Variants in LHPP observed in about 807,000 individuals in gnomAD.
The protein encoded by LHPP is hLHPP.
In LHPP, 24 loss-of-function variants were observed where a neutral mutation model predicts 30.3. That is an observed-to-expected ratio of 0.79 (90% CI 0.57 to 1.11). The LOEUF (loss-of-function observed/expected upper bound fraction) is 1.11, where lower values mean the gene tolerates loss of function less well. Among genes scored for constraint, LHPP ranks in the 50% most tolerant of loss-of-function variants. The pLI is 0.00. For missense variants in LHPP, 356 were observed against 367.2 expected (o/e 0.97, Z 0.25); for synonymous variants, 150 against 157.1 (o/e 0.95, Z 0.34).
At chr10:124,584,708 GAGCGTTGCCA>G (rs1564841896) in intron 6 of LHPP, among the ~76,000 whole-genome samples, 2 of 152,200 alleles carry the variant, frequency 1.3e-5, no homozygotes, top group Non-Finnish European at 2.9e-5. Flanking sequence ...CCGTAGCAGG[GAGCGTTGCCA>G]TCTTAACAAT....
At chr10:124,528,187 C>T (rs1020324114) in intron 6 of LHPP, among the ~76,000 whole-genome samples, 3 of 152,110 alleles carry the variant, frequency 2.0e-5, no homozygotes, top group Non-Finnish European at 2.9e-5. Flanking sequence ...TGGTGGCTCC[C>T]GTATGGCATA....
intron 5 of LHPP, among the ~76,000 whole-genome samples, chr10:124,499,182 G>A (rs938174629): frequency 2.0e-5 from 3 of 151,216 alleles, no homozygotes; most frequent in East Asian, 4.0e-4. Context: ...GCCCAGCCCC[G>A]GCTAACTTTT....
chr10:124,537,629 C>T (rs1955061155), intron 6 of LHPP, among the ~76,000 whole-genome samples: 1 of 152,194 alleles, frequency 6.6e-6, no homozygotes, highest in Non-Finnish European at 1.5e-5. Flanking sequence ...CCAGGCAGTC[C>T]CCACAGGGCA....
intron 3 of LHPP, among the ~76,000 whole-genome samples, chr10:124,494,272 G>A (rs1953632193): frequency 6.6e-6 from 1 of 152,188 alleles, no homozygotes; most frequent in South Asian, 2.1e-4. Flanking sequence ...GATGGGAGGT[G>A]CTTGCTCCCG....
At chr10:124,464,453 A>G (rs942657658) in intron 1 of LHPP, among the ~76,000 whole-genome samples, 15 of 152,158 alleles carry the variant, frequency 9.9e-5, no homozygotes, top group African/African-American at 3.4e-4. Flanking sequence ...GGTGTTTGGG[A>G]GGCTGGGAAC....
intron 6 of LHPP, among the ~76,000 whole-genome samples, chr10:124,567,178 C>A (rs1169246551): frequency 1.3e-5 from 2 of 152,368 alleles, no homozygotes; most frequent in South Asian, 4.1e-4. Flanking sequence ...TTCATCCAGA[C>A]CTCTGCTGTG....
intron 1 of LHPP, among the ~76,000 whole-genome samples, chr10:124,466,725 G>A (rs1952561609): frequency 6.6e-6 from 1 of 151,932 alleles, no homozygotes; most frequent in African/African-American, 2.4e-5. Context: ...CCAAAGTGCT[G>A]GGATTACAGG....
At position 124,468,651 on chromosome 10, in the gene LHPP, G is replaced by A. The variant is rs557203972; in HGVS notation, c.125+6664G>A. Among the ~76,000 whole-genome samples the A allele has an allele frequency of 6.6e-5, 10 of 152,308 alleles. No individual in the cohort carries two copies. In the East Asian group the frequency reaches 7.7e-4, roughly 12 times the overall value. ...CTTCTTGGTGGGGTTTTCACTGAAG[G>A]GGCCGCTGAGCTGTCCAGCACCCAC... On this transcript the variant is annotated intron_variant, in intron 1 of 6. Coordinates refer to ENST00000368842, the MANE Select transcript of LHPP (RefSeq NM_022126.4).
chr10:124,558,556 CA>C (rs1208148140), intron 6 of LHPP, among the ~76,000 whole-genome samples: 3 of 152,194 alleles, frequency 2.0e-5, no homozygotes, highest in Non-Finnish European at 4.4e-5. Flanking sequence ...AGAAGGCTTC[CA>C]GGGGCAGACC....
In LHPP at chr10:124,517,345, C is replaced by A; in HGVS notation, c.716+74C>A. 1 of 969,852 alleles carries A rather than the reference C, an allele frequency of 1.0e-6. No individual in the cohort carries two copies. The highest frequency in any genetic ancestry group is 1.5e-6 in the Non-Finnish European group (1 of 668,650). 60.1% of individuals were successfully genotyped at this position (969,852 alleles called of 1,614,324 possible). A position where few individuals can be genotyped will look rare whatever the true frequency, so the allele number is the denominator to read the frequency against. On this transcript the variant is annotated intron_variant, in intron 6 of 6. Coordinates refer to ENST00000368842, the MANE Select transcript of LHPP (RefSeq NM_022126.4). This position sits in a 1 kb window ranked among gnomAD's most constrained non-coding sequence, Gnocchi z 4.1. ...CACATTCTCATTCTGTTTTGTTCTT[C>A]AAAATAAAGGGGATATTCTTTCCAA... is the stretch of plus-strand genomic sequence containing the variant.
intron 6 of LHPP, among the ~76,000 whole-genome samples, chr10:124,577,912 G>A (rs551028370): frequency 1.5e-4 from 23 of 152,190 alleles, no homozygotes; most frequent in African/African-American, 4.3e-4. Flanking sequence ...GTGAGGTGGG[G>A]CCACACTGGT....
chr10:124,556,298 G>A lies in LHPP; in HGVS notation c.716+39027G>A, dbSNP rs112462397. ...AGGTCAGGAGCACAGGCTGTTTTGG[G>A]ACATCTCTTCCCAGTGCCCAGTTCC... On this transcript the variant is annotated intron_variant, in intron 6 of 6. Transcript: ENST00000368842. 4.9e-3 allele frequency among the ~76,000 whole-genome samples: 740 copies of A among 152,286 alleles called. 5 individuals carry two copies. The highest frequency in any genetic ancestry group is 0.016 in the African/African-American group (681 of 41,560).
chr10:124,551,464 CG>C (rs937325663), intron 6 of LHPP, among the ~76,000 whole-genome samples: 3 of 152,088 alleles, frequency 2.0e-5, no homozygotes, highest in African/African-American at 7.2e-5. Context: ...AGGGTGGGGG[CG>C]GGGGGGCAGA....
At chr10:124,613,018 G>A (rs1028113300) in intron 6 of LHPP, 3 of 561,028 alleles carry the variant, frequency 5.3e-6, no homozygotes, top group Non-Finnish European at 9.6e-6. Flanking sequence ...AGGCTGAGCA[G>A]GCTCCCCAGT....
chr10:124,493,704 C>T (rs1564787016), intron 3 of LHPP: 1 of 152,170 alleles, frequency 6.6e-6, no homozygotes, highest in Non-Finnish European at 1.5e-5. Context: ...TCCCGGGCTT[C>T]CCCCTTTCTT....
At chr10:124,515,315 A>G (rs551059698) in intron 5 of LHPP, among the ~76,000 whole-genome samples, 4 of 152,234 alleles carry the variant, frequency 2.6e-5, no homozygotes, top group African/African-American at 7.2e-5. Flanking sequence ...GATCCCTGAC[A>G]TTGTAGTTTT....
At chr10:124,587,762 A>AAAAAAAAAAAAAAAAAAAAAC (rs1948824644) in intron 6 of LHPP, among the ~76,000 whole-genome samples, 1 of 150,230 alleles carries the variant, frequency 6.7e-6, no homozygotes, top group African/African-American at 2.5e-5. Context: ...AAAAAAAAAA[A>AAAAAAAAAAAAAAAAAAAAAC]AAACCAAAAA....
Position 124,590,792 on chromosome 10 carries a change from A to G in LHPP, c.717-22472A>G, listed in dbSNP as rs1027331891. ...TTCCTGAGCCTGCTTCTCTGTCCAC[A>G]AAACAAAGACTAGATAATTAGAGTG... On this transcript the variant is annotated intron_variant, in intron 6 of 6. Coordinates refer to ENST00000368842, the MANE Select transcript of LHPP (RefSeq NM_022126.4). The surrounding 1 kb of genome is among the most constrained non-coding windows in gnomAD (Gnocchi z 4.3). Among the ~76,000 whole-genome samples, 2 of 152,166 alleles carry G rather than the reference A, an allele frequency of 1.3e-5. No individual in the cohort carries two copies. The highest frequency in any genetic ancestry group is 4.8e-5 in the African/African-American group (2 of 41,422).
rs1707022748 is a variant in LHPP at position 124,484,289 on chromosome 10, G to A, written c.276G>A (p.Lys92=). The A allele has an allele frequency of 1.2e-6, 2 of 1,614,028 alleles. No homozygotes were observed. Among genetic ancestry groups the A allele is most frequent in the Non-Finnish European group, 1.7e-6 (2 of 1,179,978 alleles). ...CACCAGCTGCCTGCCAGATCCTGAAGGAGCAAGGCCTGCGACCATACCTGC... is the reference window on the plus strand; with the variant it reads ...CACCAGCTGCCTGCCAGATCCTGAAAGAGCAAGGCCTGCGACCATACCTGC... ...APAPAACQIL[K]EQGLRPYLLI... The change falls in exon 2 of 7, where the codon AAG becomes AAA. Residue 92 remains lysine, a synonymous_variant. Transcript: ENST00000368842.
Sources: gnomAD v4.1 joint callset for allele counts (sites outside exome capture counted in the v4.1 genomes callset) on GRCh38, gnomAD v4.1.1 for gene constraint, Gnocchi (gnomAD v3.1) non-coding constraint, MANE v1.5 for transcripts, NCBI Gene and HGNC (gene_info 2026-07-23, HGNC 2026-07-21) for gene names.